The following CTNNA3 variants were observed in gnomAD, a reference collection of about 807,000 sequenced individuals.
The protein encoded by CTNNA3 is catenin alpha-3.
Under a neutral mutation model 95.7 loss-of-function variants are expected in CTNNA3, and 76 were observed. The observed-to-expected ratio is 0.79, with a 90% confidence interval of 0.66 to 0.96. The LOEUF (loss-of-function observed/expected upper bound fraction) is 0.96. CTNNA3 is among the 40% of genes least tolerant of loss of function. The probability of loss-of-function intolerance (pLI) is 0.00; values close to 1 mark genes in which losing one functional copy is unlikely to be tolerated. For synonymous variants in CTNNA3, 431 were observed against 374.4 expected, an observed-to-expected ratio of 1.15 and a Z score of -1.74; for missense variants, 1,191 against 1,089.8, an observed-to-expected ratio of 1.09 and a Z score of -1.31.
intron 7 of CTNNA3, among the ~76,000 whole-genome samples, chr10:66,857,161 C>A (rs1205961854): frequency 6.6e-6 from 1 of 151,848 alleles, no homozygotes; most frequent in East Asian, 1.9e-4. Flanking sequence ...TTAAGGGAGT[C>A]CTTACCTCAT....
intron 1 of CTNNA3, among the ~76,000 whole-genome samples, chr10:67,650,925 T>A (rs550077429): frequency 1.3e-5 from 2 of 152,072 alleles, no homozygotes; most frequent in Non-Finnish European, 2.9e-5. Flanking sequence ...TGGCACCTAC[T>A]TCTCCTCCCT....
At chr10:66,955,909 C>A (rs1196331845) in intron 7 of CTNNA3, among the ~76,000 whole-genome samples, 1 of 152,134 alleles carries the variant, frequency 6.6e-6, no homozygotes, top group Non-Finnish European at 1.5e-5. Flanking sequence ...AGTGACGCTA[C>A]AACATGGCAT....
At chr10:67,367,245 CAAAT>C (rs768457975) in intron 5 of CTNNA3, among the ~76,000 whole-genome samples, 2 of 152,010 alleles carry the variant, frequency 1.3e-5, no homozygotes, top group Non-Finnish European at 2.9e-5. Context: ...AAGCGAAAAA[CAAAT>C]AACCCCATTA....
rs1589563574 is a variant in CTNNA3, at chr10:67,683,800, G to A, written c.-6+12200C>T. On this transcript the variant is annotated intron_variant, in intron 1 of 17. Transcript: ENST00000433211. ...GTTTCTTCCTTCCGGTGGGTTCACG[G>A]TCTTGCTGACTTCAGGAGTGAAGCC... 2.6e-5 allele frequency among the ~76,000 whole-genome samples: 4 copies of A among 152,148 alleles called. No homozygotes were observed. In the South Asian group the frequency reaches 8.3e-4, roughly 32 times the overall value.
intron 5 of CTNNA3, among the ~76,000 whole-genome samples, chr10:67,519,237 T>C (rs1029481236): frequency 1.6e-4 from 24 of 151,976 alleles, no homozygotes; most frequent in African/African-American, 5.5e-4. Flanking sequence ...GAGAAAGAAA[T>C]CTCTCAAAGA....
At chr10:66,418,354 T>A (rs1176124517) in intron 11 of CTNNA3, among the ~76,000 whole-genome samples, 1 of 133,156 alleles carries the variant, frequency 7.5e-6, no homozygotes, top group Non-Finnish European at 1.6e-5. Flanking sequence ...ACACACCAAG[T>A]AGTGAAATTA....
At chr10:66,928,296 G>A in intron 7 of CTNNA3, 1 of 1,614,112 alleles carries the variant, frequency 6.2e-7, no homozygotes, top group Non-Finnish European at 8.5e-7. Flanking sequence ...TCATGCGAAG[G>A]CACAGGAAAA....
chr10:66,379,866 T>C (rs2092823551), intron 11 of CTNNA3, among the ~76,000 whole-genome samples: 1 of 152,206 alleles, frequency 6.6e-6, no homozygotes, highest in African/African-American at 2.4e-5. Context: ...GCCATGAAGA[T>C]AGCAGGAAGT....
intron 17 of CTNNA3, among the ~76,000 whole-genome samples, chr10:65,958,592 T>C (rs1392074389): frequency 1.3e-5 from 2 of 152,146 alleles, no homozygotes; most frequent in Non-Finnish European, 2.9e-5. Context: ...CCTTTCTGTT[T>C]GTTAGTTTTC....
intron 10 of CTNNA3, among the ~76,000 whole-genome samples, chr10:66,601,599 A>T (rs927016019): frequency 1.3e-5 from 2 of 151,916 alleles, no homozygotes; most frequent in African/African-American, 2.4e-5. Flanking sequence ...TATACTAACC[A>T]TCTGTAATGG....
chr10:67,682,500 G>T (rs371776647), intron 1 of CTNNA3, among the ~76,000 whole-genome samples: 21 of 152,234 alleles, frequency 1.4e-4, no homozygotes, highest in African/African-American at 4.3e-4. Context: ...AGCCAAAATT[G>T]AAAATTTTTG....
intron 7 of CTNNA3, among the ~76,000 whole-genome samples, chr10:66,806,712 A>G (rs1207732180): frequency 6.6e-6 from 1 of 151,366 alleles, no homozygotes; most frequent in Non-Finnish European, 1.5e-5. Context: ...TCATCAATAT[A>G]GAGGGAAATA....
At chr10:66,017,312 C>T (rs10996830) in intron 15 of CTNNA3, among the ~76,000 whole-genome samples, 41,121 of 151,770 alleles carry the variant, frequency 0.27, 5,816 homozygotes, top group African/African-American at 0.33. Flanking sequence ...AAAAGACTTG[C>T]CTTAATATGT....
intron 9 of CTNNA3, among the ~76,000 whole-genome samples, chr10:66,623,098 T>C (rs940403585): frequency 1.3e-5 from 2 of 152,024 alleles, no homozygotes; most frequent in Admixed American, 6.6e-5. Flanking sequence ...TGTGAGTTGT[T>C]TGAAAAGGGC....
intron 7 of CTNNA3, among the ~76,000 whole-genome samples, chr10:66,801,339 G>A (rs558059406): frequency 2.0e-5 from 3 of 150,974 alleles, no homozygotes; most frequent in African/African-American, 7.3e-5. Context: ...ATAAGCAAAC[G>A]GATAATGGAA....
intron 7 of CTNNA3, among the ~76,000 whole-genome samples, chr10:67,007,400 CT>C (rs552186162): frequency 0.095 from 13,807 of 145,794 alleles, 1,479 homozygotes; most frequent in African/African-American, 0.27. Flanking sequence ...TTCAATCTGA[CT>C]TTTTTTTTTT....
intron 13 of CTNNA3, among the ~76,000 whole-genome samples, chr10:66,183,323 C>G (rs1160420023): frequency 6.6e-6 from 1 of 152,210 alleles, no homozygotes; most frequent in African/African-American, 2.4e-5. Context: ...TCCTTTTATT[C>G]ATTGCCTTCT....
At chr10:66,372,550 C>A (rs537388460) in intron 12 of CTNNA3, among the ~76,000 whole-genome samples, 2 of 152,280 alleles carry the variant, frequency 1.3e-5, no homozygotes, top group African/African-American at 4.8e-5. Context: ...CTGTTGTTAA[C>A]CCATCCTTCA....
At chr10:66,256,109 T>C (rs148594318) in intron 13 of CTNNA3, among the ~76,000 whole-genome samples, 2 of 152,168 alleles carry the variant, frequency 1.3e-5, no homozygotes, top group African/African-American at 2.4e-5. Flanking sequence ...GATTATATAA[T>C]AACTTGTTTG....
Sources: allele counts gnomAD v4.1 joint callset (sites outside exome capture counted in the v4.1 genomes callset), GRCh38; gene constraint gnomAD v4.1.1; transcripts MANE v1.5; gene names NCBI Gene and HGNC (gene_info 2026-07-23, HGNC 2026-07-21).